Variants in RASSF3 observed in about 807,000 individuals in gnomAD.
RASSF3 encodes the protein ras association domain-containing protein 3.
RASSF3 carries 19 observed loss-of-function variants against 19.9 expected under a neutral mutation model. The ratio of observed to expected loss-of-function variants is 0.96; its 90% CI spans 0.67 to 1.40. The LOEUF is 1.40. Ranked by LOEUF, RASSF3 falls within the 40% of genes most tolerant of loss-of-function variation. The probability of loss-of-function intolerance (pLI) is 0.00; values close to 1 mark genes in which losing one functional copy is unlikely to be tolerated. For synonymous variants in RASSF3, 110 were observed against 104.2 expected, an observed-to-expected ratio of 1.06 and a Z score of -0.34; for missense variants, 306 against 289.8, an observed-to-expected ratio of 1.06 and a Z score of -0.41.
intron 1 of RASSF3, among the ~76,000 whole-genome samples, chr12:64,653,900 C>T (rs559874564): frequency 3.9e-5 from 6 of 152,196 alleles, no homozygotes; most frequent in African/African-American, 7.2e-5. Flanking sequence ...GCACTGCCTG[C>T]GGGATGGTGG....
chr12:64,659,345 C>G (rs1192801180), intron 1 of RASSF3, among the ~76,000 whole-genome samples: 1 of 152,154 alleles, frequency 6.6e-6, no homozygotes, highest in African/African-American at 2.4e-5. Flanking sequence ...TAAATGGAAC[C>G]TGTACTGTCC....
intron 1 of RASSF3, among the ~76,000 whole-genome samples, chr12:64,520,271 C>T (rs187144979): frequency 6.0e-5 from 9 of 150,498 alleles, no homozygotes; most frequent in Admixed American, 4.7e-4. Context: ...TGGGTTCAAG[C>T]GATTCTTCTG....
chr12:64,546,643 T>C (rs892352234), downstream of RASSF3, among the ~76,000 whole-genome samples: 1 of 152,240 alleles, frequency 6.6e-6, no homozygotes, highest in Non-Finnish European at 1.5e-5. Context: ...TAACTTTTTT[T>C]CTTATTGGCT....
At chr12:64,616,535 G>T (rs1457357220) in intron 1 of RASSF3, among the ~76,000 whole-genome samples, 1 of 152,210 alleles carries the variant, frequency 6.6e-6, no homozygotes, top group Non-Finnish European at 1.5e-5. Flanking sequence ...AAAGGCCCCA[G>T]TTTGAAACGT....
chr12:64,628,696 C>T (rs888333491), intron 1 of RASSF3, among the ~76,000 whole-genome samples: 1 of 151,970 alleles, frequency 6.6e-6, no homozygotes. Context: ...GGGGTTCTGC[C>T]ATGTTGGCCA....
intron 1 of RASSF3, among the ~76,000 whole-genome samples, chr12:64,649,256 G>A (rs1245605843): frequency 1.3e-5 from 2 of 151,280 alleles, no homozygotes; most frequent in Non-Finnish European, 2.9e-5. Context: ...GCAGTGGCGC[G>A]ATCTCGGCTC....
chr12:64,628,640 G>T (rs946007571), intron 1 of RASSF3: 1 of 152,158 alleles, frequency 6.6e-6, no homozygotes, highest in African/African-American at 2.4e-5. Context: ...GGGATTACAG[G>T]CATGCACCAC....
intron 1 of RASSF3, among the ~76,000 whole-genome samples, chr12:64,623,001 A>G (rs1209084591): frequency 6.6e-6 from 1 of 151,898 alleles, no homozygotes; most frequent in Non-Finnish European, 1.5e-5. Flanking sequence ...TTGTATTTTT[A>G]GTAGAGACGG....
chr12:64,564,262 C>G (rs1362892806), intron 2 of RASSF3, among the ~76,000 whole-genome samples: 1 of 152,182 alleles, frequency 6.6e-6, no homozygotes, highest in Non-Finnish European at 1.5e-5. Flanking sequence ...TCTTTATAAA[C>G]AAGAAGCCAA....
intron 1 of RASSF3, among the ~76,000 whole-genome samples, chr12:64,508,996 T>G (rs1868310771): frequency 6.6e-6 from 1 of 150,998 alleles, no homozygotes; most frequent in Non-Finnish European, 1.5e-5. Flanking sequence ...TTTCTTTAAT[T>G]TTTTTTCATT....
intron 1 of RASSF3, among the ~76,000 whole-genome samples, chr12:64,645,209 A>G (rs1165127249): frequency 6.6e-6 from 1 of 152,266 alleles, no homozygotes; most frequent in Non-Finnish European, 1.5e-5. Context: ...TTGGCAAACC[A>G]TTATTAAGTA....
At chr12:64,508,697 C>A (rs11830375) in intron 1 of RASSF3, among the ~76,000 whole-genome samples, 5 of 151,816 alleles carry the variant, frequency 3.3e-5, no homozygotes, top group South Asian at 2.1e-4. Flanking sequence ...CCAGCCTGAC[C>A]AACATGGAGA....
At chr12:64,576,421 A>G (rs1869596890) in intron 2 of RASSF3, among the ~76,000 whole-genome samples, 2 of 152,234 alleles carry the variant, frequency 1.3e-5, no homozygotes, top group African/African-American at 4.8e-5. Context: ...TGTGAAAACT[A>G]AAACAATAAA....
intron 1 of RASSF3, among the ~76,000 whole-genome samples, chr12:64,652,648 T>C (rs896650744): frequency 3.9e-5 from 6 of 152,234 alleles, no homozygotes; most frequent in Admixed American, 3.3e-4. Context: ...GGATTCTTGC[T>C]CTTAATTCAG....
At position 64,643,166 on chromosome 12, in the gene RASSF3, C is replaced by T. The variant is rs958894127; in HGVS notation, c.111+32423C>T. On this transcript the variant is annotated intron_variant, in intron 1 of 4. Coordinates refer to ENST00000542104, the MANE Select transcript of RASSF3 (RefSeq NM_178169.4). ...CCGGTGTGAGCCATCACGCCTGGCC[C>T]GGGCAAGTTTCTTAATGCAATTGTT... 1.4e-4 allele frequency among the ~76,000 whole-genome samples: 21 copies of T among 152,088 alleles called. 1 individual carries two copies. The highest frequency in any genetic ancestry group is 3.4e-3 in the Middle Eastern group (1 of 294).
At chr12:64,690,430 C>T (rs1471980377) in intron 3 of RASSF3, among the ~76,000 whole-genome samples, 1 of 152,044 alleles carries the variant, frequency 6.6e-6, no homozygotes, top group Non-Finnish European at 1.5e-5. Flanking sequence ...GGCAATCTGC[C>T]TGTCTCGGCC....
At chr12:64,683,608 T>C (rs1873217370) in intron 1 of RASSF3, among the ~76,000 whole-genome samples, 1 of 152,160 alleles carries the variant, frequency 6.6e-6, no homozygotes, top group African/African-American at 2.4e-5. Context: ...TTAGTATGAG[T>C]CCGTGAATAG....
intron 2 of RASSF3, among the ~76,000 whole-genome samples, chr12:64,548,091 T>C (rs1264911810): frequency 2.0e-5 from 3 of 152,198 alleles, no homozygotes; most frequent in Non-Finnish European, 2.9e-5. Flanking sequence ...CTATATTCTC[T>C]GAAAAAGTGA....
chr12:64,647,266 T>A (rs1353821018), intron 1 of RASSF3, among the ~76,000 whole-genome samples: 1 of 151,976 alleles, frequency 6.6e-6, no homozygotes, highest in African/African-American at 2.4e-5. Context: ...TTATTTTTTT[T>A]AAGACAGAGC....
Sources: gnomAD v4.1 joint callset for allele counts (sites outside exome capture counted in the v4.1 genomes callset) on GRCh38, gnomAD v4.1.1 for gene constraint, MANE v1.5 for transcripts, NCBI Gene and HGNC (gene_info 2026-07-23, HGNC 2026-07-21) for gene names.